Variants in CNTNAP5 observed in about 807,000 individuals in gnomAD.
CNTNAP5 encodes contactin-associated protein-like 5.
A neutral mutation model predicts 150.2 loss-of-function variants in CNTNAP5; 72 were observed. The ratio of observed to expected loss-of-function variants is 0.48; its 90% CI spans 0.40 to 0.58. The LOEUF (loss-of-function observed/expected upper bound fraction) is 0.58. CNTNAP5 is among the 20% of genes least tolerant of loss of function. The probability of loss-of-function intolerance (pLI) is 0.00; values close to 1 mark genes in which losing one functional copy is unlikely to be tolerated. For synonymous variants in CNTNAP5, 672 were observed against 619.8 expected (o/e 1.08, Z -1.25); for missense variants, 1,636 against 1,626.2 (o/e 1.01, Z -0.10).
At chr2:124,854,051 T>C (rs1677291027) in intron 19 of CNTNAP5, among the ~76,000 whole-genome samples, 1 of 152,240 alleles carries the variant, frequency 6.6e-6, no homozygotes, top group African/African-American at 2.4e-5. Flanking sequence ...CTTTATCCAA[T>C]CTGTCATTGA....
rs138328048 is a variant in CNTNAP5 at position 124,826,137 on chromosome 2, CTGAGT to C, written c.3217+27819_3217+27823del. 5.4e-3 allele frequency among the ~76,000 whole-genome samples: 815 copies of C among 152,056 alleles called. 13 individuals carry two copies. Among genetic ancestry groups the C allele is most frequent in the African/African-American group, 0.018 (756 of 41,482 alleles). On this transcript the variant is annotated intron_variant, in intron 19 of 23. Transcript: ENST00000682447. ...GAATCATTTGGATCTTGAGATCTTA[CTGAGT>C]TATTACTACATTAATTATTAAATAT...
chr2:124,119,350 A>G (rs916145119), intron 1 of CNTNAP5, among the ~76,000 whole-genome samples: 9 of 120,880 alleles, frequency 7.4e-5, no homozygotes, highest in African/African-American at 2.6e-4. Context: ...AACATTTCTT[A>G]AGAGCAGGAA....
intron 10 of CNTNAP5, 48 bp from the exon 11 acceptor site, chr2:124,563,169 C>T (rs1347457371): frequency 1.6e-6 from 2 of 1,285,812 alleles, no homozygotes; most frequent in Admixed American, 4.0e-5. Context: ...CCCCTTTCTG[C>T]CAAATGATTT....
intron 10 of CNTNAP5, among the ~76,000 whole-genome samples, chr2:124,543,858 C>T (rs1015584743): frequency 3.9e-5 from 6 of 151,954 alleles, no homozygotes; most frequent in African/African-American, 1.4e-4. Context: ...ATTTTTTCTC[C>T]TTTGATGTTT....
intron 3 of CNTNAP5, among the ~76,000 whole-genome samples, chr2:124,371,002 C>T (rs1247765213): frequency 1.3e-5 from 2 of 152,028 alleles, no homozygotes; most frequent in Admixed American, 6.6e-5. Context: ...TTGTAATAAA[C>T]TGGAAAGCTT....
At chr2:124,624,062 G>A (rs1376814872) in intron 12 of CNTNAP5, among the ~76,000 whole-genome samples, 1 of 152,212 alleles carries the variant, frequency 6.6e-6, no homozygotes, top group Non-Finnish European at 1.5e-5. Flanking sequence ...CAGAAGGCTG[G>A]TCTCTTAGGC....
chr2:124,463,628 G>T (rs936072639), intron 6 of CNTNAP5, among the ~76,000 whole-genome samples: 2 of 152,200 alleles, frequency 1.3e-5, no homozygotes, highest in Non-Finnish European at 2.9e-5. Context: ...GGGCCAGTGT[G>T]CTCACTTTGC....
intron 3 of CNTNAP5, among the ~76,000 whole-genome samples, chr2:124,311,953 T>C (rs1048259930): frequency 6.6e-6 from 1 of 152,166 alleles, no homozygotes; most frequent in Non-Finnish European, 1.5e-5. Context: ...GAAGGGATCA[T>C]CACTTATGAC....
intron 19 of CNTNAP5, among the ~76,000 whole-genome samples, chr2:124,835,466 C>T (rs1036920396): frequency 2.6e-5 from 4 of 152,110 alleles, no homozygotes; most frequent in African/African-American, 7.2e-5. Context: ...ATCCTGACAG[C>T]CTCTGGCCAA....
rs576281672 is a variant in CNTNAP5, at chr2:124,898,857, C to A, written c.3437-4025C>A. On this transcript the variant is annotated intron_variant, in intron 21 of 23. Transcript: ENST00000682447. ...TATTACTGCTAACTACCACTCCCCC[C>A]GGCCTCCTCCTCCTAACAGTATGCT... Among the ~76,000 whole-genome samples the A allele has an allele frequency of 4.6e-5, 7 of 151,468 alleles. No homozygotes were observed. The East Asian group carries it at 1.3e-3, about 29-fold the overall frequency.
At chr2:124,700,084 C>T (rs1679491050) in intron 13 of CNTNAP5, among the ~76,000 whole-genome samples, 1 of 152,126 alleles carries the variant, frequency 6.6e-6, no homozygotes, top group Non-Finnish European at 1.5e-5. Flanking sequence ...TTTGCCTATT[C>T]TGGATCATTT....
chr2:124,687,629 C>T (rs1679218642), intron 13 of CNTNAP5, among the ~76,000 whole-genome samples: 2 of 151,892 alleles, frequency 1.3e-5, no homozygotes, highest in Admixed American at 1.3e-4. Flanking sequence ...GATGGTACTT[C>T]CTGATCATGG....
At chr2:124,728,005 T>C (rs1006503611) in intron 13 of CNTNAP5, among the ~76,000 whole-genome samples, 1 of 152,102 alleles carries the variant, frequency 6.6e-6, no homozygotes, top group Non-Finnish European at 1.5e-5. Flanking sequence ...GGAGAGTCTT[T>C]ATCATGAAGC....
At chr2:124,370,463 G>A (rs1418126891) in intron 3 of CNTNAP5, among the ~76,000 whole-genome samples, 4 of 152,226 alleles carry the variant, frequency 2.6e-5, no homozygotes, top group East Asian at 1.9e-4. Context: ...TCTTCTCAGA[G>A]TCACATGGAA....
rs765295281 is a variant in CNTNAP5 at position 124,747,330 on chromosome 2, G to A, written c.2179G>A (p.Glu727Lys). Residue 727 changes from glutamate to lysine, a missense_variant, in exon 14 of 24, where the codon GAG becomes AAG. Physicochemically the swap from Glu to Lys is moderately conservative, Grantham distance 56 (BLOSUM62 1). Transcript: ENST00000682447. Reference protein sequence around the residue: ...GVQQCECGLDESCLDIQHFCN... With the variant: ...GVQQCECGLDKSCLDIQHFCN... The stretch of plus-strand genomic sequence containing the variant: ...CCAGCAGTGTGAGTGTGGCCTAGAC[G>A]AGAGCTGCCTGGACATTCAGCACTT... 19 of 1,613,670 alleles carry A rather than the reference G, an allele frequency of 1.2e-5. No individual in the cohort carries two copies. In the Admixed American group the frequency reaches 2.0e-4, roughly 17 times the overall value.
chr2:124,152,097 A>G (rs912753672), intron 1 of CNTNAP5, among the ~76,000 whole-genome samples: 1 of 152,166 alleles, frequency 6.6e-6, no homozygotes, highest in African/African-American at 2.4e-5. Context: ...TTTTTTAGAA[A>G]AGAAAGTGCA....
intron 11 of CNTNAP5, among the ~76,000 whole-genome samples, chr2:124,588,429 T>C (rs2104957238): frequency 6.6e-6 from 1 of 152,030 alleles, no homozygotes; most frequent in African/African-American, 2.4e-5. Context: ...GTATGCCAAT[T>C]GTCGTCGGTC....
At chr2:124,411,577 C>T (rs1383347986) in intron 3 of CNTNAP5, among the ~76,000 whole-genome samples, 32 of 139,230 alleles carry the variant, frequency 2.3e-4, no homozygotes, top group Admixed American at 7.2e-4. Flanking sequence ...GTTCAATATA[C>T]GCAAATCAAT....
intron 14 of CNTNAP5, 54 bp downstream of exon 14, chr2:124,747,439 C>T: frequency 6.3e-7 from 1 of 1,587,118 alleles, no homozygotes; most frequent in Non-Finnish European, 8.7e-7. Context: ...TTAATTGATG[C>T]ATAAAATTCC....
Sources: allele counts gnomAD v4.1 joint callset (sites outside exome capture counted in the v4.1 genomes callset), GRCh38; gene constraint gnomAD v4.1.1; transcripts MANE v1.5; gene names NCBI Gene and HGNC (gene_info 2026-07-23, HGNC 2026-07-21).